Variants in SAG observed in about 807,000 individuals in gnomAD.
SAG encodes the protein S-antigen visual arrestin.
Under a neutral mutation model 55.0 loss-of-function variants are expected in SAG, and 45 were observed. The observed-to-expected ratio is 0.82, with a 90% confidence interval of 0.64 to 1.05. The LOEUF is 1.05. SAG is among the 50% of genes least tolerant of loss of function. The pLI is 0.00. For missense variants in SAG, 455 were observed against 512.1 expected (o/e 0.89, Z 1.08); for synonymous variants, 189 against 197.4 (o/e 0.96, Z 0.36).
intron 2 of SAG, among the ~76,000 whole-genome samples, chr2:233,313,170 G>C (rs1057019715): frequency 6.6e-6 from 1 of 152,252 alleles, no homozygotes; most frequent in Non-Finnish European, 1.5e-5. Flanking sequence ...AAGCCAGGGG[G>C]TGCTGGGCAA....
At chr2:233,337,275 GT>G (rs1700964703) in intron 11 of SAG, among the ~76,000 whole-genome samples, 1 of 151,764 alleles carries the variant, frequency 6.6e-6, no homozygotes, top group Admixed American at 6.6e-5. Context: ...GTCTCAGTCT[GT>G]CACCCAGGCT....
chr2:233,314,236 A>AAAG (rs1700158358), intron 2 of SAG, among the ~76,000 whole-genome samples: 1 of 151,426 alleles, frequency 6.6e-6, no homozygotes, highest in African/African-American at 2.4e-5. Context: ...AAAAAAAAAA[A>AAAG]TTACAAGAAA....
At chr2:233,343,910 T>A (rs12989896) in intron 14 of SAG, 3 of 278,338 alleles carry the variant, frequency 1.1e-5, no homozygotes, top group Non-Finnish European at 1.7e-5. Context: ...GTCTCAACAG[T>A]ACTTTGTTTC....
intron 6 of SAG, among the ~76,000 whole-genome samples, chr2:233,326,854 C>T (rs1700573949): frequency 6.6e-6 from 1 of 152,218 alleles, no homozygotes; most frequent in Non-Finnish European, 1.5e-5. Context: ...ATGTGAATGA[C>T]TCTCCACGGC....
chr2:233,327,551 T>A (rs73119905), intron 7 of SAG: 32,822 of 183,404 alleles, frequency 0.18, 5,252 homozygotes, highest in African/African-American at 0.46. Flanking sequence ...TTTCTTTTTT[T>A]CTTTTATTTT....
chr2:233,330,919 C>T (rs1229239016), intron 9 of SAG, among the ~76,000 whole-genome samples: 3 of 152,028 alleles, frequency 2.0e-5, no homozygotes, highest in Non-Finnish European at 4.4e-5. Flanking sequence ...GTTTCTTTAT[C>T]CTCAAACTTT....
chr2:233,336,738 G>A (rs75560791), intron 11 of SAG, among the ~76,000 whole-genome samples: 7,968 of 152,174 alleles, frequency 0.052, 329 homozygotes, highest in Admixed American at 0.099. Context: ...CTTGCAGGGT[G>A]TTCTCAGGCA....
intron 1 of SAG, among the ~76,000 whole-genome samples, chr2:233,308,768 T>C (rs1372058212): frequency 2.6e-5 from 4 of 152,184 alleles, no homozygotes; most frequent in Non-Finnish European, 4.4e-5. Context: ...AGTGGTTATG[T>C]TGTGGTTTTC....
chr2:233,330,732 A>G (rs1287932702), intron 9 of SAG, among the ~76,000 whole-genome samples: 3 of 152,084 alleles, frequency 2.0e-5, no homozygotes, highest in Non-Finnish European at 4.4e-5. Context: ...GGATTTCGCC[A>G]TGTTGGCCAG....
Position 233,338,398 on chromosome 2 carries a change from G to A in SAG, c.945-278G>A, listed in dbSNP as rs543856846. On this transcript the variant is annotated intron_variant, in intron 11 of 15. Coordinates refer to ENST00000409110, the MANE Select transcript of SAG (RefSeq NM_000541.5). ...TTGCTGAGGAGGATGACCGGGGGAT[G>A]TGCATCTATAGAGGTCAAGCACAGA... 202 of 398,282 alleles carry A rather than the reference G, an allele frequency of 5.1e-4. 1 individual carries two copies. Among genetic ancestry groups the A allele is most frequent in the South Asian group, 1.3e-3 (32 of 25,532 alleles). 24.7% of individuals were successfully genotyped at this position (398,282 alleles called of 1,614,324 possible). A position where few individuals can be genotyped will look rare whatever the true frequency, so the allele number is the denominator to read the frequency against.
rs944108823 is a variant in SAG at position 233,319,753 on chromosome 2, C to T, written c.182-877C>T. 6 of 985,544 alleles carry T rather than the reference C, an allele frequency of 6.1e-6. No individual in the cohort carries two copies. The African/African-American group carries it at 1.0e-4, about 17-fold the overall frequency. 61.0% of individuals were successfully genotyped at this position (985,544 alleles called of 1,614,324 possible). A position where few individuals can be genotyped will look rare whatever the true frequency, so the allele number is the denominator to read the frequency against. On this transcript the variant is annotated intron_variant, in intron 4 of 15. Transcript: ENST00000409110. The surrounding 1 kb of genome is among the most constrained non-coding windows in gnomAD (Gnocchi z 4.4). ...CCTGTTCTCAGGGAAAGCCACTGCA[C>T]AGGACAGCTGTCAAACCACGTGGTC...
At chr2:233,314,444 C>T (rs533476068) in intron 2 of SAG, among the ~76,000 whole-genome samples, 37 of 152,282 alleles carry the variant, frequency 2.4e-4, no homozygotes, top group Non-Finnish European at 4.3e-4. Flanking sequence ...ACATCTGGCC[C>T]ACCTTGCCCA....
chr2:233,326,604 AT>A (rs1700565122), intron 6 of SAG, among the ~76,000 whole-genome samples: 1 of 150,816 alleles, frequency 6.6e-6, no homozygotes, highest in Admixed American at 6.6e-5. Context: ...AAAAAAAAAA[AT>A]CGTGCTGCCC....
Position 233,346,522 on chromosome 2 carries a change from G to T in SAG, c.1112+110G>T, listed in dbSNP as rs188726118. The T allele has an allele frequency of 4.1e-5, 49 of 1,188,616 alleles. No homozygotes were observed. The African/African-American group carries it at 6.8e-4, about 16-fold the overall frequency. The allele number at this position is 1,188,616 out of a possible 1,614,324, so 73.6% of individuals were successfully genotyped here. ...GCACATATCCCAAGCTCTCCTGCCG[G>T]CTCAGGAGGCACATCCGCTACTTCC... On this transcript the variant is annotated intron_variant, in intron 15 of 15. Transcript: ENST00000409110.
intron 2 of SAG, among the ~76,000 whole-genome samples, chr2:233,313,350 G>T (rs1700128120): frequency 6.6e-6 from 1 of 152,216 alleles, no homozygotes; most frequent in Non-Finnish European, 1.5e-5. Context: ...GCCCAGGGAA[G>T]AGTGGAGCTG....
chr2:233,315,771 T>C (rs1487874884), intron 2 of SAG, among the ~76,000 whole-genome samples: 6 of 151,576 alleles, frequency 4.0e-5, no homozygotes, highest in Admixed American at 2.6e-4. Flanking sequence ...GGCGTGCTCT[T>C]GGCTCACTGC....
intron 2 of SAG, among the ~76,000 whole-genome samples, chr2:233,312,637 T>TCAG (rs1474000390): frequency 6.6e-6 from 1 of 152,196 alleles, no homozygotes; most frequent in Non-Finnish European, 1.5e-5. Flanking sequence ...TGAGACCATT[T>TCAG]CAGCAGCAGC....
intron 3 of SAG, 55 bp downstream of exon 3, chr2:233,316,190 C>A: frequency 2.9e-6 from 3 of 1,026,590 alleles, no homozygotes; most frequent in South Asian, 2.8e-5. Flanking sequence ...CACAGATAAC[C>A]GCTCACTTTG....
In SAG at chr2:233,328,626, C is replaced by G; in HGVS notation, c.648+13C>G. The G allele has an allele frequency of 6.2e-7, 1 of 1,602,794 alleles. No individual in the cohort carries two copies. The highest frequency in any genetic ancestry group is 8.5e-7 in the Non-Finnish European group (1 of 1,172,312). On this transcript the variant is annotated intron_variant, in intron 8 of 15. Transcript: ENST00000409110. ...TCTCAACAAAGAGGTAACCACCTAC[C>G]ATCGCTACTACCCGCAGGGCAGCAG...
Sources: allele counts gnomAD v4.1 joint callset (sites outside exome capture counted in the v4.1 genomes callset), GRCh38; gene constraint gnomAD v4.1.1; non-coding constraint Gnocchi (gnomAD v3.1); transcripts MANE v1.5; gene names NCBI Gene and HGNC (gene_info 2026-07-23, HGNC 2026-07-21).